HRH2: variants seen among roughly 807,000 people sequenced by gnomAD.
HRH2 encodes histamine H2 receptor.
Under a neutral mutation model 20.1 loss-of-function variants are expected in HRH2, and 4 were observed. The observed-to-expected ratio is 0.20, with a 90% CI of 0.10 to 0.45. HRH2 has a LOEUF of 0.45. HRH2 is among the 20% of genes least tolerant of loss of function. The probability of loss-of-function intolerance (pLI) is 0.99; values close to 1 mark genes in which losing one functional copy is unlikely to be tolerated. For synonymous variants in HRH2, 197 were observed against 200.7 expected (o/e 0.98, Z 0.16); for missense variants, 250 against 461.6 (o/e 0.54, Z 4.20).
At chr5:175,695,943 G>A (rs1200601253) in intron 2 of HRH2, among the ~76,000 whole-genome samples, 2 of 152,270 alleles carry the variant, frequency 1.3e-5, no homozygotes, top group East Asian at 3.8e-4. Flanking sequence ...CGATTCAGGG[G>A]CTACACCCAA....
At chr5:175,699,792 C>T (rs549751445) in intron 2 of HRH2, among the ~76,000 whole-genome samples, 2 of 152,192 alleles carry the variant, frequency 1.3e-5, no homozygotes, top group Non-Finnish European at 2.9e-5. Flanking sequence ...CCGGAATGGT[C>T]TTGATCTCCT....
chr5:175,685,426 C>T, intron 2 of HRH2: 1 of 1,551,210 alleles, frequency 6.4e-7, no homozygotes, highest in Non-Finnish European at 8.7e-7. Context: ...CTTTGCCTTC[C>T]AGAATGCTGG....
At chr5:175,690,883 C>T (rs544104346) in intron 2 of HRH2, among the ~76,000 whole-genome samples, 1 of 152,356 alleles carries the variant, frequency 6.6e-6, no homozygotes, top group Admixed American at 6.5e-5. Flanking sequence ...CCTCACTTAG[C>T]ATAACATTGC....
rs779115301 is a variant in HRH2 at position 175,683,761 on chromosome 5, C to T, written c.528C>T (p.Val176=). 5.0e-6 allele frequency: 8 copies of T among 1,614,056 alleles called. No homozygotes were observed. The Admixed American group carries it at 1.0e-4, about 20-fold the overall frequency. The part of the protein sequence containing the change: ...KGNHTTSKCK[V]QVNEVYGLVD... Reference sequence around the variant, plus strand: ...ATCATACCACCTCTAAGTGCAAAGTCCAGGTCAATGAAGTGTACGGGCTGG... The same window carrying T: ...ATCATACCACCTCTAAGTGCAAAGTTCAGGTCAATGAAGTGTACGGGCTGG... The change falls in exon 2 of 3, where the codon GTC becomes GTT. Residue 176 remains valine, a synonymous_variant. Transcript: ENST00000636584.
intron 2 of HRH2, among the ~76,000 whole-genome samples, chr5:175,696,758 C>G (rs1756599034): frequency 6.6e-6 from 1 of 152,212 alleles, no homozygotes; most frequent in Admixed American, 6.5e-5. Flanking sequence ...CGTGTGGCCC[C>G]CTTGCTGGCT....
intron 2 of HRH2, among the ~76,000 whole-genome samples, chr5:175,689,991 C>T (rs1405267792): frequency 2.6e-5 from 4 of 152,250 alleles, no homozygotes; most frequent in Admixed American, 6.5e-5. Context: ...CTGATACACA[C>T]GCTTCTGAAG....
At chr5:175,705,394 C>G (rs1441753894) in intron 2 of HRH2, among the ~76,000 whole-genome samples, 1 of 152,140 alleles carries the variant, frequency 6.6e-6, no homozygotes, top group Non-Finnish European at 1.5e-5. Flanking sequence ...AGCAGCATTT[C>G]TTGTAATGGT....
chr5:175,661,778 T>A (rs908057436), intron 1 of HRH2, among the ~76,000 whole-genome samples: 1 of 152,036 alleles, frequency 6.6e-6, no homozygotes, highest in Non-Finnish European at 1.5e-5. Context: ...TCCCAGCACT[T>A]TAGGAGGCCG....
rs1211263189 is a variant in HRH2, at chr5:175,682,973, C to G, written c.-261C>G. ...TTGATCCATGAACCTGGCTTCGAGG[C>G]CTTGCTTTTCTCTCTTCTTCATTCA... is the stretch of plus-strand genomic sequence containing the variant. On this transcript the variant is annotated 5_prime_UTR_variant, in exon 2 of 3. Transcript: ENST00000636584. The G allele has an allele frequency of 3.9e-5, 17 of 435,104 alleles. No homozygotes were observed. The highest frequency in any genetic ancestry group is 6.5e-5 in the Non-Finnish European group (16 of 247,076). 27.0% of individuals were successfully genotyped at this position (435,104 alleles called of 1,614,324 possible).
intron 1 of HRH2, among the ~76,000 whole-genome samples, chr5:175,680,572 A>G (rs1755928225): frequency 6.6e-6 from 1 of 152,192 alleles, no homozygotes; most frequent in Admixed American, 6.5e-5. Flanking sequence ...TTTGTTAGCT[A>G]TGATGGTGAC....
In HRH2 at chr5:175,684,061, G is replaced by A; in HGVS notation, c.828G>A (p.Leu276=). 5.0e-6 allele frequency: 8 copies of A among 1,614,204 alleles called. No homozygotes were observed. Among genetic ancestry groups the A allele is most frequent in the East Asian group, 2.2e-5 (1 of 44,884 alleles). ...NEVLEAIVLW[L]GYANSALNPI... ...TGTTAGAAGCCATCGTTCTGTGGCTGGGCTATGCCAACTCAGCCCTGAACC... is the reference window on the plus strand; with the variant it reads ...TGTTAGAAGCCATCGTTCTGTGGCTAGGCTATGCCAACTCAGCCCTGAACC... Residue 276 remains leucine, a synonymous_variant, in exon 2 of 3, where the codon CTG becomes CTA. Transcript: ENST00000636584.
At chr5:175,685,357 C>T (rs1271160228) in intron 2 of HRH2, 9 of 1,491,846 alleles carry the variant, frequency 6.0e-6, no homozygotes, top group Non-Finnish European at 8.2e-6. Context: ...CAGAGGATAC[C>T]TGGCACATAG....
intron 1 of HRH2, among the ~76,000 whole-genome samples, chr5:175,658,440 GGTGCACAGCA>G (rs1762632223): frequency 6.6e-6 from 1 of 152,228 alleles, no homozygotes; most frequent in African/African-American, 2.4e-5. Flanking sequence ...ATGCAGCCCC[GGTGCACAGCA>G]GTGCTCGGGA....
intron 2 of HRH2, among the ~76,000 whole-genome samples, chr5:175,690,546 C>A (rs755690047): frequency 1.3e-5 from 2 of 152,124 alleles, no homozygotes; most frequent in Non-Finnish European, 2.9e-5. Flanking sequence ...TGTCTGCCTG[C>A]CTGCCTGCCT....
At chr5:175,665,889 C>T (rs1762873384) in intron 1 of HRH2, among the ~76,000 whole-genome samples, 1 of 151,776 alleles carries the variant, frequency 6.6e-6, no homozygotes, top group Middle Eastern at 3.4e-3. Flanking sequence ...TTGCAGAGAC[C>T]ACAAGATATT....
chr5:175,686,839 G>A lies in HRH2; in HGVS notation c.1076+2530G>A, dbSNP rs1474302207. Among the ~76,000 whole-genome samples, 1 of 152,222 alleles carries A rather than the reference G, an allele frequency of 6.6e-6. No individual in the cohort carries two copies. Among genetic ancestry groups the A allele is most frequent in the African/African-American group, 2.4e-5 (1 of 41,462 alleles). ...ACAGAAGTCAAGTAAACTGCCCCAA[G>A]GGATACAACCCAAAGTTGCGATCTG... On this transcript the variant is annotated intron_variant, in intron 2 of 2. Transcript: ENST00000636584. This position sits in a 1 kb window ranked among gnomAD's most constrained non-coding sequence, Gnocchi z 4.7.
intron 1 of HRH2, among the ~76,000 whole-genome samples, chr5:175,675,827 C>A (rs1755737322): frequency 6.6e-6 from 1 of 152,140 alleles, no homozygotes; most frequent in Non-Finnish European, 1.5e-5. Flanking sequence ...GTAGGTGATA[C>A]ATACACAAGG....
intron 2 of HRH2, among the ~76,000 whole-genome samples, chr5:175,694,682 T>G (rs1756509346): frequency 6.6e-6 from 1 of 152,154 alleles, no homozygotes; most frequent in Non-Finnish European, 1.5e-5. Flanking sequence ...CTGCTATTTC[T>G]GTTTCCCTAC....
At chr5:175,690,992 C>T (rs1308464313) in intron 2 of HRH2, among the ~76,000 whole-genome samples, 3 of 152,176 alleles carry the variant, frequency 2.0e-5, no homozygotes, top group Non-Finnish European at 1.5e-5. Flanking sequence ...CTTTCCTTCC[C>T]TTTCTTCCAT....
Sources: allele counts gnomAD v4.1 joint callset (sites outside exome capture counted in the v4.1 genomes callset), GRCh38; gene constraint gnomAD v4.1.1; non-coding constraint Gnocchi (gnomAD v3.1); transcripts MANE v1.5; gene names NCBI Gene and HGNC (gene_info 2026-07-23, HGNC 2026-07-21).